SEPTIN4: variants seen among roughly 807,000 people sequenced by gnomAD.
The protein encoded by SEPTIN4 is septin-4.
SEPTIN4 carries 52 observed loss-of-function variants against 107.1 expected under a neutral mutation model. The observed-to-expected ratio is 0.49, with a 90% confidence interval of 0.39 to 0.61. SEPTIN4 has a LOEUF of 0.61. Ranked by LOEUF, SEPTIN4 falls within the 20% of genes least tolerant of loss-of-function variation. The pLI is 0.00. For synonymous variants in SEPTIN4, 417 were observed against 467.0 expected, an observed-to-expected ratio of 0.89 and a Z score of 1.38; for missense variants, 1,048 against 1,243.5, an observed-to-expected ratio of 0.84 and a Z score of 2.36.
Position 58,521,888 on chromosome 17 carries a change from G to A in SEPTIN4, c.2352-35C>T. On this transcript the variant is annotated intron_variant, in intron 8 of 13. Coordinates refer to ENST00000672673, the MANE Select transcript of SEPTIN4 (RefSeq NM_001368771.2). The surrounding 1 kb of genome is among the most constrained non-coding windows in gnomAD (Gnocchi z 6.4). Reference sequence around the variant, plus strand: ...AGGAACCTGTGACCACCTGCTAGTGGCAGCCCTGCCCCTGGTGCTCTTGGC... The same window carrying A: ...AGGAACCTGTGACCACCTGCTAGTGACAGCCCTGCCCCTGGTGCTCTTGGC... 1 of 1,614,136 alleles carries A rather than the reference G, an allele frequency of 6.2e-7. No individual in the cohort carries two copies. The highest frequency in any genetic ancestry group is 2.2e-5 in the East Asian group (1 of 44,886).
At chr17:58,534,566 C>T (rs1383570851) in intron 3 of SEPTIN4, among the ~76,000 whole-genome samples, 2 of 152,252 alleles carry the variant, frequency 1.3e-5, no homozygotes, top group East Asian at 1.9e-4. Flanking sequence ...GCCAACTCTG[C>T]TTCAGCATGG....
chr17:58,529,486 G>A, intron 3 of SEPTIN4: 1 of 1,264,808 alleles, frequency 7.9e-7, no homozygotes, highest in African/African-American at 1.5e-5. Flanking sequence ...CATGACGCCT[G>A]CCTGCTGCCT....
At position 58,520,813 on chromosome 17, in the gene SEPTIN4, A is replaced by G. The variant is rs1459578588; in HGVS notation, c.2861T>C (p.Phe954Ser). Residue 954 changes from phenylalanine to serine, a missense_variant, in exon 13 of 14, where the codon TTC becomes TCC. By Grantham distance (155) the Phe-to-Ser change is radical (BLOSUM62 -2). Transcript: ENST00000672673. Reference sequence around the variant, plus strand: ...CCCTGGTGGGACAGCAGGGATGGGGAAGTCGGTACCACTTTCCCGAGTCAG... The same window carrying G: ...CCCTGGTGGGACAGCAGGGATGGGGGAGTCGGTACCACTTTCCCGAGTCAG... Reference protein sequence around the residue: ...NKLTRESGTDFPIPAVPPGTD... With the variant: ...NKLTRESGTDSPIPAVPPGTD... The G allele has an allele frequency of 6.2e-7, 1 of 1,613,782 alleles. No homozygotes were observed. Among genetic ancestry groups the G allele is most frequent in the African/African-American group, 1.3e-5 (1 of 74,802 alleles).
chr17:58,530,025 G>T (rs1282520297), intron 3 of SEPTIN4: 10 of 152,248 alleles, frequency 6.6e-5, no homozygotes, highest in Admixed American at 1.3e-4. Context: ...AGGAGCACGG[G>T]TTCAAGGCAA....
At chr17:58,540,932 C>A in intron 2 of SEPTIN4, 1 of 361,504 alleles carries the variant, frequency 2.8e-6, no homozygotes, top group Non-Finnish European at 4.9e-6. Context: ...TAAGAGGGAG[C>A]CATTATTCTC....
At chr17:58,524,946 A>T in intron 7 of SEPTIN4, 132 bp downstream of exon 7, 1 of 1,123,882 alleles carries the variant, frequency 8.9e-7, no homozygotes, top group South Asian at 1.5e-5. Flanking sequence ...CTGTCCAGTA[A>T]GGGAAGTCAC....
Position 58,526,296 on chromosome 17 carries a change from C to T in SEPTIN4, c.1929G>A (p.Val643=), listed in dbSNP as rs2042863091. The T allele has an allele frequency of 6.3e-7, 1 of 1,598,104 alleles. No homozygotes were observed. The highest frequency in any genetic ancestry group is 1.3e-5 in the African/African-American group (1 of 74,150). ...CTTGGTTGGGGAGGGTTGCAAAGCC[C>T]ACATACTCCTTGTCATCCTAGTAGA... The part of the protein sequence containing the change: ...YDSSEDDKEY[V]GFATLPNQVH... The change falls in exon 5 of 14, where the codon GTG becomes GTA. Residue 643 remains valine (V), a synonymous_variant. Transcript: ENST00000672673.
At chr17:58,520,914 G>C (rs1452092257) in intron 12 of SEPTIN4, 72 bp from the exon 13 acceptor site, 2 of 1,612,144 alleles carry the variant, frequency 1.2e-6, no homozygotes, top group Admixed American at 1.7e-5. Flanking sequence ...AGGGCCTATA[G>C]AAGAACAAAA....
chr17:58,531,828 G>C, intron 3 of SEPTIN4: 1 of 861,052 alleles, frequency 1.2e-6, no homozygotes, highest in Non-Finnish European at 1.4e-6. Context: ...TGTGCCCGGG[G>C]CCGGCGACGG....
At position 58,526,261 on chromosome 17, in the gene SEPTIN4, T is replaced by G; in HGVS notation, c.1964A>C (p.Lys655Thr). The stretch of plus-strand genomic sequence containing the variant: ...AAAGTCAAAGCCTTTCTTCACGGAC[T>G]TTCGGTGGACTTGGTTGGGGAGGGT... The part of the protein sequence containing the change: ...FATLPNQVHR[K>T]SVKKGFDFTL... The change falls in exon 5 of 14, where the codon AAG becomes ACG. Residue 655 changes from lysine to threonine, a missense_variant. Physicochemically the swap from Lys to Thr is moderately conservative, Grantham distance 78 (BLOSUM62 -1). Transcript: ENST00000672673. 6.2e-7 allele frequency: 1 copy of G among 1,605,552 alleles called. No homozygotes were observed. Among genetic ancestry groups the G allele is most frequent in the Non-Finnish European group, 8.5e-7 (1 of 1,175,860 alleles).
chr17:58,522,540 T>C (rs1485880854), intron 7 of SEPTIN4, among the ~76,000 whole-genome samples: 1 of 150,206 alleles, frequency 6.7e-6, no homozygotes, highest in African/African-American at 2.5e-5. Flanking sequence ...TGCACCTGAG[T>C]AGTCCCAGCT....
chr17:58,537,854 C>T (rs2043768885), intron 3 of SEPTIN4, among the ~76,000 whole-genome samples: 1 of 149,828 alleles, frequency 6.7e-6, no homozygotes, highest in Admixed American at 6.6e-5. Flanking sequence ...AAAAAGCCTC[C>T]TGAGATGCCC....
At chr17:58,520,688 TA>T (rs1255164657) in intron 13 of SEPTIN4, 54 bp downstream of exon 13, 36 of 1,604,162 alleles carry the variant, frequency 2.2e-5, no homozygotes, top group Non-Finnish European at 3.0e-5. Context: ...AACAAAGAGA[TA>T]CCAACGTTGG....
Position 58,543,876 on chromosome 17 carries a change from AG to A in SEPTIN4, c.310del (p.Leu104Ter). 1.2e-6 allele frequency: 2 copies of A among 1,613,978 alleles called. No individual in the cohort carries two copies. The highest frequency in any genetic ancestry group is 1.7e-6 in the Non-Finnish European group (2 of 1,179,976). ...TESSRHSSPHLKSQKTQTLAS... is the reference protein window; with the variant it reads ...TESSRHSSPHXKSQKTQTLAS... Reference sequence around the variant, plus strand: ...CAGTGTCTGAGTCTTCTGGCTCTTTAGATGGGGAGAGGAATGGCGGGATGAT... The same window carrying A: ...CAGTGTCTGAGTCTTCTGGCTCTTTAATGGGGAGAGGAATGGCGGGATGAT... On this transcript the variant is annotated frameshift_variant, in exon 1 of 14. Transcript: ENST00000672673. LOFTEE classifies it high-confidence loss of function.
chr17:58,523,010 A>C (rs916771843), intron 7 of SEPTIN4, among the ~76,000 whole-genome samples: 1 of 152,212 alleles, frequency 6.6e-6, no homozygotes, highest in African/African-American at 2.4e-5. Context: ...TGACAGGTGG[A>C]CATTATGCAT....
intron 3 of SEPTIN4, among the ~76,000 whole-genome samples, chr17:58,532,874 A>G (rs1031255193): frequency 2.0e-5 from 3 of 152,204 alleles, no homozygotes; most frequent in Admixed American, 2.0e-4. Context: ...AGCTAGGGGA[A>G]GGCAGATGCT....
chr17:58,541,639 AAC>A, intron 2 of SEPTIN4: 2 of 788,568 alleles, frequency 2.5e-6, no homozygotes, highest in Non-Finnish European at 4.0e-6. Context: ...ATAGATGACC[AAC>A]TAAGCTGAAA....
Position 58,521,948 on chromosome 17 carries a change from C to T in SEPTIN4, c.2351+19G>A. ...TGACAGCACCCGGTGGTGCCAGGAG[C>T]CTCAGGCTTGGACCATACCCATGGC... On this transcript the variant is annotated intron_variant, in intron 8 of 13. Transcript: ENST00000672673. The surrounding 1 kb of genome is among the most constrained non-coding windows in gnomAD (Gnocchi z 6.4). 6.2e-7 allele frequency: 1 copy of T among 1,614,240 alleles called. No homozygotes were observed. The highest frequency in any genetic ancestry group is 8.5e-7 in the Non-Finnish European group (1 of 1,180,046).
chr17:58,520,264 C>A lies in SEPTIN4; in HGVS notation c.*162G>T. 1 of 641,528 alleles carries A rather than the reference C, an allele frequency of 1.6e-6. No homozygotes were observed. Among genetic ancestry groups the A allele is most frequent in the Non-Finnish European group, 2.7e-6 (1 of 363,852 alleles). 39.7% of individuals were successfully genotyped at this position (641,528 alleles called of 1,614,324 possible). ...ACACAGGGACACCAGAAGCCACCTA[C>A]AGATTTATTAAACTTTATTTCCTCT... On this transcript the variant is annotated 3_prime_UTR_variant, in exon 14 of 14. Transcript: ENST00000672673.
Sources: allele counts gnomAD v4.1 joint callset (sites outside exome capture counted in the v4.1 genomes callset), GRCh38; gene constraint gnomAD v4.1.1; non-coding constraint Gnocchi (gnomAD v3.1); transcripts MANE v1.5; gene names NCBI Gene and HGNC (gene_info 2026-07-23, HGNC 2026-07-21).